The following C3orf49 variants were observed in gnomAD, a reference collection of about 807,000 sequenced individuals.
C3orf49 encodes chromosome 3 open reading frame 49, also known as putative uncharacterized protein C3orf49.
A neutral mutation model predicts 13.3 loss-of-function variants in C3orf49; 27 were observed. The observed-to-expected ratio is 2.02, with a 90% CI of 1.49 to 2.79. C3orf49 has a LOEUF of 2.79. Ranked by LOEUF, C3orf49 falls within the 30% of genes most tolerant of loss-of-function variation. The pLI is 0.00. For missense variants in C3orf49, 242 were observed against 134.2 expected, an observed-to-expected ratio of 1.80 and a Z score of -3.97; for synonymous variants, 87 against 47.6, an observed-to-expected ratio of 1.83 and a Z score of -3.40.
intron 3 of C3orf49, among the ~76,000 whole-genome samples, 168 bp downstream of exon 3, chr3:63,827,893 T>C (rs575924686): frequency 3.9e-5 from 6 of 152,360 alleles, no homozygotes; most frequent in African/African-American, 1.4e-4. Flanking sequence ...GGTCAGATTC[T>C]TCTACTTCTA....
At chr3:63,839,797 A>G in intron 5 of C3orf49, 2 of 1,593,778 alleles carry the variant, frequency 1.3e-6, no homozygotes, top group South Asian at 2.2e-5. Context: ...GGGCAATGTT[A>G]CCATCTGGCT....
intron 3 of C3orf49, among the ~76,000 whole-genome samples, chr3:63,829,661 C>G (rs951476735): frequency 1.3e-5 from 2 of 152,054 alleles, no homozygotes; most frequent in African/African-American, 4.8e-5. Context: ...AGAATGTTCT[C>G]AAAAATATAT....
chr3:63,798,570 A>G, the C3orf49 span, among the ~76,000 whole-genome samples: 1 of 152,150 alleles, frequency 6.6e-6, no homozygotes, highest in Admixed American at 6.6e-5. Context: ...TACTATCATC[A>G]TCATCATCAG....
chr3:63,843,976 T>A lies in C3orf49; in HGVS notation c.850-1047T>A, dbSNP rs537912537. 5.3e-5 allele frequency among the ~76,000 whole-genome samples: 8 copies of A among 152,132 alleles called. No homozygotes were observed. In the East Asian group the frequency reaches 5.8e-4, roughly 11 times the overall value. ...ATGTGTTACACACACAAATATGTGT[T>A]ACACATACACATACATACATAAACA... is the stretch of plus-strand genomic sequence containing the variant. On this transcript the variant is annotated intron_variant, in intron 5 of 6. Coordinates refer to ENST00000295896, the MANE Select transcript of C3orf49 (RefSeq NM_001355236.2).
the C3orf49 span, among the ~76,000 whole-genome samples, chr3:63,793,769 A>C: frequency 6.6e-6 from 1 of 152,176 alleles, no homozygotes; most frequent in Non-Finnish European, 1.5e-5. Context: ...TACCGCTAGA[A>C]TATCAGCTCC....
the C3orf49 span, among the ~76,000 whole-genome samples, chr3:63,781,329 G>T: frequency 6.6e-6 from 1 of 151,862 alleles, no homozygotes; most frequent in East Asian, 1.9e-4. Context: ...TGAGGGCTCT[G>T]TTCTGTTCCA....
At chr3:63,829,191 A>G (rs1478556032) in intron 3 of C3orf49, among the ~76,000 whole-genome samples, 2 of 152,058 alleles carry the variant, frequency 1.3e-5, no homozygotes, top group African/African-American at 4.8e-5. Context: ...TTTTGCCCCT[A>G]TTATGTTTTA....
At chr3:63,785,964 T>G in the C3orf49 span, 1 of 152,152 alleles carries the variant, frequency 6.6e-6, no homozygotes, top group African/African-American at 2.4e-5. Context: ...GAAAACCCAG[T>G]AGTAGTATTT....
At chr3:63,812,043 C>G in the C3orf49 span, among the ~76,000 whole-genome samples, 1 of 152,082 alleles carries the variant, frequency 6.6e-6, no homozygotes, top group Non-Finnish European at 1.5e-5. Flanking sequence ...AGAACTTGTT[C>G]CCACCCAACT....
chr3:63,819,628 T>C (rs758241939), intron 1 of C3orf49, 32 bp downstream of exon 1: 1 of 702,816 alleles, frequency 1.4e-6, no homozygotes, highest in South Asian at 1.5e-5. Context: ...TTCTGTCAAA[T>C]GAGAGTCTTT....
At chr3:63,822,702 T>C (rs1701414191) in intron 1 of C3orf49, among the ~76,000 whole-genome samples, 1 of 152,260 alleles carries the variant, frequency 6.6e-6, no homozygotes, top group Non-Finnish European at 1.5e-5. Context: ...GTAGTCACTA[T>C]ATATGAGTTT....
the C3orf49 span, chr3:63,785,880 G>A: frequency 1.3e-5 from 2 of 151,914 alleles, no homozygotes; most frequent in African/African-American, 4.8e-5. Flanking sequence ...TTAATTTGGG[G>A]AGCACATCAA....
At chr3:63,797,558 T>A in the C3orf49 span, among the ~76,000 whole-genome samples, 1 of 152,216 alleles carries the variant, frequency 6.6e-6, no homozygotes, top group South Asian at 2.1e-4. Context: ...CTCCTGCTAG[T>A]CCACACTTAG....
chr3:63,829,774 A>T (rs1701509532), intron 3 of C3orf49, among the ~76,000 whole-genome samples: 1 of 152,088 alleles, frequency 6.6e-6, no homozygotes, highest in Non-Finnish European at 1.5e-5. Context: ...CAGCCTGGGC[A>T]ACATGGCAAA....
chr3:63,816,233 G>T (rs1701323431), upstream of C3orf49, among the ~76,000 whole-genome samples: 1 of 149,830 alleles, frequency 6.7e-6, no homozygotes, highest in African/African-American at 2.5e-5. Context: ...CACTAGAATT[G>T]TAATTCCTGG....
chr3:63,838,146 T>A (rs1701672907), intron 5 of C3orf49: 1 of 1,294,242 alleles, frequency 7.7e-7, no homozygotes, highest in Admixed American at 2.3e-5. Flanking sequence ...TAAATTAACC[T>A]CTATTGGTAA....
chr3:63,816,485 A>C (rs1326383271), upstream of C3orf49, among the ~76,000 whole-genome samples: 1 of 151,936 alleles, frequency 6.6e-6, no homozygotes, highest in Non-Finnish European at 1.5e-5. Context: ...CCAGCTACTC[A>C]GGAGGCACAA....
At chr3:63,799,083 T>G in the C3orf49 span, among the ~76,000 whole-genome samples, 1 of 152,160 alleles carries the variant, frequency 6.6e-6, no homozygotes, top group African/African-American at 2.4e-5. Context: ...AATTGTGTTA[T>G]GATATCTGAT....
chr3:63,795,894 G>T, the C3orf49 span, among the ~76,000 whole-genome samples: 2 of 152,002 alleles, frequency 1.3e-5, no homozygotes, highest in Non-Finnish European at 2.9e-5. Flanking sequence ...CACCCAATTT[G>T]TCAAGTTTGT....
Sources: gnomAD v4.1 joint callset for allele counts (sites outside exome capture counted in the v4.1 genomes callset) on GRCh38, gnomAD v4.1.1 for gene constraint, MANE v1.5 for transcripts, NCBI Gene and HGNC (gene_info 2026-07-23, HGNC 2026-07-21) for gene names.